HADHA: variants seen among roughly 807,000 people sequenced by gnomAD.
HADHA encodes the protein hydroxyacyl-CoA dehydrogenase trifunctional multienzyme complex subunit alpha, also known as trifunctional enzyme subunit alpha, mitochondrial.
In HADHA, 59 loss-of-function variants were observed where a neutral mutation model predicts 91.3. The ratio of observed to expected loss-of-function variants is 0.65; its 90% confidence interval spans 0.52 to 0.80. The LOEUF (loss-of-function observed/expected upper bound fraction) is 0.80, where lower values mean the gene tolerates loss of function less well. Ranked by LOEUF, HADHA falls within the 30% of genes least tolerant of loss-of-function variation. HADHA has a pLI of 0.00. For missense variants in HADHA, 800 were observed against 927.6 expected (o/e 0.86, Z 1.79); for synonymous variants, 320 against 338.9 (o/e 0.94, Z 0.61).
At chr2:26,235,851 A>C (rs1427373949) in intron 4 of HADHA, among the ~76,000 whole-genome samples, 1 of 152,246 alleles carries the variant, frequency 6.6e-6, no homozygotes, top group Non-Finnish European at 1.5e-5. Context: ...ACAATTGTAA[A>C]TAAGTTAATG....
intron 11 of HADHA, among the ~76,000 whole-genome samples, chr2:26,204,449 CGAAATCACT>C (rs1669925946): frequency 1.3e-5 from 2 of 152,160 alleles, no homozygotes; most frequent in Non-Finnish European, 1.5e-5. Context: ...AATCATGCTT[CGAAATCACT>C]GAAATCAAAA....
intron 6 of HADHA, among the ~76,000 whole-genome samples, chr2:26,231,756 C>T (rs1032721428): frequency 2.0e-5 from 3 of 151,744 alleles, no homozygotes; most frequent in Non-Finnish European, 2.9e-5. Context: ...TACCTGAGGT[C>T]GGGAGTTCAA....
At chr2:26,223,919 G>A (rs955422593) in intron 7 of HADHA, among the ~76,000 whole-genome samples, 2 of 152,028 alleles carry the variant, frequency 1.3e-5, no homozygotes, top group Non-Finnish European at 1.5e-5. Flanking sequence ...GCTAATTTTC[G>A]TATTTTTAGT....
intron 6 of HADHA, 104 bp from the exon 7 acceptor site, chr2:26,230,398 A>C: frequency 1.3e-6 from 1 of 779,484 alleles, no homozygotes. Flanking sequence ...GAGAAAAGTC[A>C]AGCCATATGT....
chr2:26,213,567 T>C (rs1304778227), intron 9 of HADHA, among the ~76,000 whole-genome samples: 1 of 152,310 alleles, frequency 6.6e-6, no homozygotes, highest in African/African-American at 2.4e-5. Context: ...CCCACCCTCC[T>C]TGGCAATACT....
chr2:26,228,703 A>G (rs1437550455), intron 7 of HADHA, among the ~76,000 whole-genome samples: 1 of 150,906 alleles, frequency 6.6e-6, no homozygotes. Context: ...ATGGCATCTC[A>G]CTCTGTTGCT....
At position 26,214,186 on chromosome 2, in the gene HADHA, C is replaced by T. The variant is rs1484225492; in HGVS notation, c.918+257G>A. 6.6e-6 allele frequency among the ~76,000 whole-genome samples: 1 copy of T among 152,108 alleles called. No individual in the cohort carries two copies. Among genetic ancestry groups the T allele is most frequent in the African/African-American group, 2.4e-5 (1 of 41,400 alleles). The stretch of plus-strand genomic sequence containing the variant: ...TACTGATATGACTTAGGTTCCTTTC[C>T]TGGTTTTCTGGTTTGTTACTGATAC... On this transcript the variant is annotated intron_variant, in intron 9 of 19. Transcript: ENST00000380649. The surrounding 1 kb of genome is among the most constrained non-coding windows in gnomAD (Gnocchi z 4.1).
intron 7 of HADHA, among the ~76,000 whole-genome samples, chr2:26,216,787 G>A (rs1472952632): frequency 6.6e-6 from 1 of 152,220 alleles, no homozygotes; most frequent in Non-Finnish European, 1.5e-5. Flanking sequence ...AGCAGCTGCT[G>A]CACAACAGGA....
In HADHA at chr2:26,240,020, T is replaced by C. The variant is rs145487440; in HGVS notation, c.68-877A>G. Among the ~76,000 whole-genome samples the C allele has an allele frequency of 1.6e-3, 244 of 152,334 alleles. 1 individual carries two copies. The highest frequency in any genetic ancestry group is 5.7e-3 in the African/African-American group (236 of 41,578). ...GCTTTTCCATCATTTGAAATCTGTG[T>C]CATCTGTATTTACCACTCTTCCTTC... On this transcript the variant is annotated intron_variant, in intron 1 of 19. Transcript: ENST00000380649.
At chr2:26,215,240 C>G in intron 7 of HADHA, 65 bp from the exon 8 acceptor site, 1 of 1,496,600 alleles carries the variant, frequency 6.7e-7, no homozygotes, top group Non-Finnish European at 9.3e-7. Flanking sequence ...TAGTGAAAAA[C>G]CCAGACTTGC....
chr2:26,221,762 G>A lies in HADHA; in HGVS notation c.677-6587C>T, dbSNP rs934617636. On this transcript the variant is annotated intron_variant, in intron 7 of 19. Coordinates refer to ENST00000380649, the MANE Select transcript of HADHA (RefSeq NM_000182.5). The surrounding 1 kb of genome is among the most constrained non-coding windows in gnomAD (Gnocchi z 4.8). ...TGATACGCAGGTACCACCTGGAAGT[G>A]CACAGCTGTAACACTACAGTCCCTT... 1.3e-5 allele frequency among the ~76,000 whole-genome samples: 2 copies of A among 152,230 alleles called. No homozygotes were observed. The highest frequency in any genetic ancestry group is 2.9e-5 in the Non-Finnish European group (2 of 68,042).
chr2:26,229,339 T>TGCGCGC lies in HADHA; in HGVS notation c.676+852_676+853insGCGCGC, dbSNP rs556477584. 3.5e-5 allele frequency among the ~76,000 whole-genome samples: 2 copies of TGCGCGC among 57,330 alleles called. No individual in the cohort carries two copies. The highest frequency in any genetic ancestry group is 1.3e-4 in the African/African-American group (2 of 15,046). The allele number at this position is 57,330 out of a possible 152,430, so 37.6% of individuals were successfully genotyped here. The stretch of plus-strand genomic sequence containing the variant: ...AGCAACAGAGTGAGACCCCAACATG[T>TGCGCGC]GTGCGCGCGCACACACACACACACA... On this transcript the variant is annotated intron_variant, in intron 7 of 19. Coordinates refer to ENST00000380649, the MANE Select transcript of HADHA (RefSeq NM_000182.5). This position sits in a 1 kb window ranked among gnomAD's most constrained non-coding sequence, Gnocchi z 4.3.
intron 1 of HADHA, among the ~76,000 whole-genome samples, chr2:26,242,941 C>T (rs1670938445): frequency 2.0e-5 from 3 of 152,138 alleles, no homozygotes; most frequent in African/African-American, 4.8e-5. Context: ...TTAGTAGAGA[C>T]GGGGTTTCAC....
At position 26,210,073 on chromosome 2, in the gene HADHA, ACTTGT is replaced by A. The variant is rs539376148; in HGVS notation, c.976-189_976-185del. Among the ~76,000 whole-genome samples, 30 of 152,252 alleles carry A rather than the reference ACTTGT, an allele frequency of 2.0e-4. 1 individual carries two copies. In the South Asian group the frequency reaches 5.8e-3, roughly 29 times the overall value. ...TCTCTCACTGATGTGTCTTGTCTTT[ACTTGT>A]CTTATCTGGAGCACTTTCCAACTAC... is the stretch of plus-strand genomic sequence containing the variant. On this transcript the variant is annotated intron_variant, in intron 10 of 19. Transcript: ENST00000380649. This position sits in a 1 kb window ranked among gnomAD's most constrained non-coding sequence, Gnocchi z 4.0.
rs377073574 is a variant in HADHA, at chr2:26,214,708, C to T, written c.800-147G>A. ...TGATACACACAATATAAATTTCAAC[C>T]TAAGCACTACCTTAAACATGCTAAG... is the stretch of plus-strand genomic sequence containing the variant. On this transcript the variant is annotated intron_variant, in intron 8 of 19. Coordinates refer to ENST00000380649, the MANE Select transcript of HADHA (RefSeq NM_000182.5). This position sits in a 1 kb window ranked among gnomAD's most constrained non-coding sequence, Gnocchi z 4.1. The T allele has an allele frequency of 6.0e-6, 4 of 662,932 alleles. No homozygotes were observed. Among genetic ancestry groups the T allele is most frequent in the South Asian group, 1.7e-5 (1 of 58,842 alleles). The allele number at this position is 662,932 out of a possible 1,614,324, so 41.1% of individuals were successfully genotyped here. A position where few individuals can be genotyped will look rare whatever the true frequency, so the allele number is the denominator to read the frequency against.
At chr2:26,224,351 C>T (rs563454494) in intron 7 of HADHA, among the ~76,000 whole-genome samples, 1 of 152,178 alleles carries the variant, frequency 6.6e-6, no homozygotes, top group Admixed American at 6.5e-5. Context: ...TATTTGATAG[C>T]TCAGTTCTCT....
At chr2:26,244,078 A>G (rs937365101) in intron 1 of HADHA, among the ~76,000 whole-genome samples, 2 of 152,256 alleles carry the variant, frequency 1.3e-5, no homozygotes, top group Non-Finnish European at 2.9e-5. Flanking sequence ...AGTGATCTGC[A>G]AGGCTGATTA....
At chr2:26,226,544 A>G (rs1670489547) in intron 7 of HADHA, among the ~76,000 whole-genome samples, 1 of 152,174 alleles carries the variant, frequency 6.6e-6, no homozygotes, top group Admixed American at 6.5e-5. Flanking sequence ...ATTTTTGATC[A>G]AGGGATCAAA....
chr2:26,191,474 G>T lies in HADHA; in HGVS notation c.2146+9C>A, dbSNP rs776491880. The T allele has an allele frequency of 1.9e-6, 3 of 1,614,128 alleles. No individual in the cohort carries two copies. The highest frequency in any genetic ancestry group is 1.3e-5 in the African/African-American group (1 of 75,032). On this transcript the variant is annotated intron_variant, in intron 19 of 19. Coordinates refer to ENST00000380649, the MANE Select transcript of HADHA (RefSeq NM_000182.5). The stretch of plus-strand genomic sequence containing the variant: ...AAAGTGAGCTTCCTTCCCAACCTGC[G>T]AGACCAACCTCCCAGACAAGGCGGG...
Sources: gnomAD v4.1 joint callset for allele counts (sites outside exome capture counted in the v4.1 genomes callset) on GRCh38, gnomAD v4.1.1 for gene constraint, Gnocchi (gnomAD v3.1) non-coding constraint, MANE v1.5 for transcripts, NCBI Gene and HGNC (gene_info 2026-07-23, HGNC 2026-07-21) for gene names.